The following PDE8A variants were observed in gnomAD, a reference collection of about 807,000 sequenced individuals.
PDE8A encodes the protein high affinity cAMP-specific and IBMX-insensitive 3',5'-cyclic phosphodiesterase 8A.
A neutral mutation model predicts 105.0 loss-of-function variants in PDE8A; 59 were observed. The ratio of observed to expected loss-of-function variants is 0.56; its 90% CI spans 0.46 to 0.70. The LOEUF is 0.70. Ranked by LOEUF, PDE8A falls within the 30% of genes least tolerant of loss-of-function variation. The pLI is 0.00. For missense variants in PDE8A, 1,014 were observed against 1,045.9 expected, an observed-to-expected ratio of 0.97 and a Z score of 0.42; for synonymous variants, 355 against 371.9, an observed-to-expected ratio of 0.95 and a Z score of 0.52.
chr15:85,051,816 A>G (rs2080978747), intron 1 of PDE8A, among the ~76,000 whole-genome samples: 1 of 152,042 alleles, frequency 6.6e-6, no homozygotes, highest in Non-Finnish European at 1.5e-5. Flanking sequence ...CTGCACATAC[A>G]TGGCTTTTTA....
chr15:85,135,828 G>A (rs1184505394), intron 20 of PDE8A, among the ~76,000 whole-genome samples: 1 of 152,004 alleles, frequency 6.6e-6, no homozygotes, highest in Non-Finnish European at 1.5e-5. Context: ...AGATGTGGAA[G>A]AGTTTGACTA....
chr15:85,111,512 G>A (rs923254001), intron 12 of PDE8A, among the ~76,000 whole-genome samples: 1 of 152,142 alleles, frequency 6.6e-6, no homozygotes, highest in African/African-American at 2.4e-5. Context: ...AGCTTACTAC[G>A]AATATGTGAT....
intron 1 of PDE8A, among the ~76,000 whole-genome samples, chr15:85,042,955 G>A (rs2080833479): frequency 6.6e-6 from 1 of 152,164 alleles, no homozygotes; most frequent in African/African-American, 2.4e-5. Flanking sequence ...TGTGTGGATT[G>A]TCATTCTCAT....
At chr15:85,013,736 A>G (rs905683773) in intron 1 of PDE8A, among the ~76,000 whole-genome samples, 7 of 152,240 alleles carry the variant, frequency 4.6e-5, no homozygotes, top group Non-Finnish European at 5.9e-5. Flanking sequence ...AGCGGGGCTC[A>G]ATAGTTCTGG....
In PDE8A at chr15:85,098,020, G is replaced by A; in HGVS notation, c.925G>A (p.Val309Ile). The stretch of plus-strand genomic sequence containing the variant: ...ACAACAAAATGTGAAGATAATACCT[G>A]TCATTGGACAGGGAGGGTAAGTGGA... ...NIQQNVKIIP[V>I]IGQGGKIRHY... Residue 309 changes from valine (V) to isoleucine (I), a missense_variant, in exon 9 of 22, where the codon GTC (valine) becomes ATC (isoleucine). Transcript: ENST00000394553. 6.3e-7 allele frequency: 1 copy of A among 1,592,400 alleles called. No individual in the cohort carries two copies. Among genetic ancestry groups the A allele is most frequent in the Non-Finnish European group, 8.6e-7 (1 of 1,160,580 alleles).
intron 1 of PDE8A, among the ~76,000 whole-genome samples, chr15:84,987,050 G>A (rs543351901): frequency 3.3e-4 from 51 of 152,276 alleles, no homozygotes; most frequent in African/African-American, 1.2e-3. Flanking sequence ...TCCTTTGAAA[G>A]TGTAGTTGAG....
chr15:85,100,270 C>G (rs1203368285), intron 11 of PDE8A, 72 bp downstream of exon 11: 3 of 1,303,806 alleles, frequency 2.3e-6, no homozygotes, highest in African/African-American at 2.9e-5. Context: ...AGATCTTTAA[C>G]TAGCTTGCCT....
At position 85,117,633 on chromosome 15, in the gene PDE8A, G is replaced by A. The variant is rs1596535990; in HGVS notation, c.1536-8G>A. 6 of 1,612,612 alleles carry A rather than the reference G, an allele frequency of 3.7e-6. No homozygotes were observed. The East Asian group carries it at 8.9e-5, about 24-fold the overall frequency. On this transcript the variant is annotated splice_region_variant and splice_polypyrimidine_tract_variant and intron_variant, in intron 16 of 21. Coordinates refer to ENST00000394553, the MANE Select transcript of PDE8A (RefSeq NM_002605.3). The stretch of plus-strand genomic sequence containing the variant: ...GTTCTAATATTGTGGGGTTTTTTCT[G>A]TCTATAGGCCTTTGATTTATCTTGG...
intron 1 of PDE8A, among the ~76,000 whole-genome samples, chr15:85,030,649 C>G (rs574054871): frequency 6.6e-6 from 1 of 152,282 alleles, no homozygotes; most frequent in Non-Finnish European, 1.5e-5. Context: ...CCATTTCAAC[C>G]ATACTTAGTC....
chr15:85,077,684 C>A (rs949402975), intron 5 of PDE8A, among the ~76,000 whole-genome samples: 1 of 152,130 alleles, frequency 6.6e-6, no homozygotes, highest in African/African-American at 2.4e-5. Context: ...TAGTAACAGA[C>A]CCTCACACCC....
At chr15:85,063,447 C>CCAGT (rs2081176278) in intron 1 of PDE8A, 1 of 152,224 alleles carries the variant, frequency 6.6e-6, no homozygotes, top group Non-Finnish European at 1.5e-5. Context: ...GGGTAGCAGC[C>CCAGT]CAGTGCCAGA....
intron 8 of PDE8A, among the ~76,000 whole-genome samples, chr15:85,095,281 C>G (rs1447278914): frequency 6.6e-6 from 1 of 152,112 alleles, no homozygotes; most frequent in Non-Finnish European, 1.5e-5. Flanking sequence ...GTGAATTACC[C>G]AACCTAATCT....
At chr15:85,125,485 G>A (rs942319670) in intron 19 of PDE8A, among the ~76,000 whole-genome samples, 17 of 152,268 alleles carry the variant, frequency 1.1e-4, no homozygotes, top group African/African-American at 4.1e-4. Flanking sequence ...GTGGTACTGT[G>A]AGTGGAAGGC....
At chr15:85,075,270 A>G (rs149004113) in intron 3 of PDE8A, among the ~76,000 whole-genome samples, 1 of 152,374 alleles carries the variant, frequency 6.6e-6, no homozygotes, top group African/African-American at 2.4e-5. Context: ...GTACTTTTCT[A>G]GACCAGTCCT....
chr15:85,033,207 T>G (rs1266269832), intron 1 of PDE8A, among the ~76,000 whole-genome samples: 1 of 152,122 alleles, frequency 6.6e-6, no homozygotes, highest in Admixed American at 6.5e-5. Flanking sequence ...TTTTCCAACG[T>G]AAGGGACACA....
chr15:84,983,688 A>T (rs763547064), intron 1 of PDE8A, among the ~76,000 whole-genome samples: 2 of 152,278 alleles, frequency 1.3e-5, no homozygotes, highest in Non-Finnish European at 2.9e-5. Context: ...TGGCTTTAAA[A>T]AAGTGTTACA....
At chr15:85,010,917 A>G (rs1304483653) in intron 1 of PDE8A, among the ~76,000 whole-genome samples, 1 of 152,110 alleles carries the variant, frequency 6.6e-6, no homozygotes, top group Admixed American at 6.6e-5. Flanking sequence ...AAGTTTATAT[A>G]TGATGACTTC....
In PDE8A at chr15:85,017,351, C is replaced by T. The variant is rs551638545; in HGVS notation, c.186+35003C>T. Among the ~76,000 whole-genome samples, 17 of 152,100 alleles carry T rather than the reference C, an allele frequency of 1.1e-4. No homozygotes were observed. The South Asian group carries it at 3.5e-3, about 32-fold the overall frequency. On this transcript the variant is annotated intron_variant, in intron 1 of 21. Coordinates refer to ENST00000394553, the MANE Select transcript of PDE8A (RefSeq NM_002605.3). ...AAGTTCTCTGATTTGTAATACATAG[C>T]ACATAAATTCTTTGGGGTTTTCCAG...
intron 1 of PDE8A, among the ~76,000 whole-genome samples, chr15:84,990,226 A>G (rs1029837814): frequency 5.3e-5 from 8 of 152,224 alleles, no homozygotes; most frequent in Non-Finnish European, 1.2e-4. Flanking sequence ...CAAAGTTTAC[A>G]TTTTTAAATG....
Sources: gnomAD v4.1 joint callset for allele counts (sites outside exome capture counted in the v4.1 genomes callset) on GRCh38, gnomAD v4.1.1 for gene constraint, MANE v1.5 for transcripts, NCBI Gene and HGNC (gene_info 2026-07-23, HGNC 2026-07-21) for gene names.